ARIH1: variants seen among roughly 807,000 people sequenced by gnomAD.
ARIH1 encodes ariadne RBR E3 ubiquitin protein ligase 1.
In ARIH1, 8 loss-of-function variants were observed where a neutral mutation model predicts 85.0. The ratio of observed to expected loss-of-function variants is 0.09; its 90% CI spans 0.06 to 0.17. ARIH1 has a LOEUF of 0.17. Among genes scored for constraint, ARIH1 ranks in the 10% least tolerant of loss-of-function variants. The pLI, the probability that ARIH1 is intolerant of heterozygous loss-of-function variation, is 1.00. For synonymous variants in ARIH1, 238 were observed against 253.6 expected, an observed-to-expected ratio of 0.94 and a Z score of 0.59; for missense variants, 311 against 718.1, an observed-to-expected ratio of 0.43 and a Z score of 6.48.
chr15:72,535,141 C>T (rs1442385667), intron 2 of ARIH1, among the ~76,000 whole-genome samples: 6 of 150,362 alleles, frequency 4.0e-5, no homozygotes, highest in Non-Finnish European at 7.4e-5. Context: ...TTAGTAGAGA[C>T]GGGGTTTCAC....
chr15:72,538,902 T>G (rs2064094665), intron 2 of ARIH1, among the ~76,000 whole-genome samples: 1 of 152,202 alleles, frequency 6.6e-6, no homozygotes, highest in Non-Finnish European at 1.5e-5. Flanking sequence ...AAAATCTTAA[T>G]GTAGAGAAAT....
At chr15:72,522,199 T>A (rs535309701) in intron 2 of ARIH1, among the ~76,000 whole-genome samples, 1 of 152,256 alleles carries the variant, frequency 6.6e-6, no homozygotes, top group East Asian at 1.9e-4. Context: ...CTTAAGGGTT[T>A]TTATTAGAAA....
At chr15:72,511,679 A>AT (rs1325012723) in intron 1 of ARIH1, among the ~76,000 whole-genome samples, 2 of 152,042 alleles carry the variant, frequency 1.3e-5, no homozygotes, top group Admixed American at 6.6e-5. Flanking sequence ...GATTAATGGG[A>AT]TTTTCTGCAT....
At chr15:72,493,047 G>A (rs1340275269) in intron 1 of ARIH1, among the ~76,000 whole-genome samples, 1 of 152,098 alleles carries the variant, frequency 6.6e-6, no homozygotes, top group Non-Finnish European at 1.5e-5. Flanking sequence ...AAGTGGTCCT[G>A]TAGACTATTC....
intron 3 of ARIH1, among the ~76,000 whole-genome samples, chr15:72,551,747 T>C (rs1259825574): frequency 3.3e-5 from 5 of 152,176 alleles, no homozygotes; most frequent in Admixed American, 1.3e-4. Context: ...CCCCTACTTA[T>C]AAATGGCCAA....
intron 1 of ARIH1, chr15:72,475,234 C>A: frequency 9.4e-7 from 1 of 1,065,292 alleles, no homozygotes; most frequent in Non-Finnish European, 1.2e-6. Context: ...CGGTGCTTCC[C>A]AAGTCCTGCT....
rs191444762 is a variant in ARIH1 at position 72,515,896 on chromosome 15, G to T, written c.376-2171G>T. On this transcript the variant is annotated intron_variant, in intron 1 of 13. Coordinates refer to ENST00000379887, the MANE Select transcript of ARIH1 (RefSeq NM_005744.5). Reference sequence around the variant, plus strand: ...TTTCACCTATATTCTTCAGCTCCCAGGGGCCTTCTTTATTCCCCTAGCCAG... The same window carrying T: ...TTTCACCTATATTCTTCAGCTCCCATGGGCCTTCTTTATTCCCCTAGCCAG... 2.6e-5 allele frequency among the ~76,000 whole-genome samples: 4 copies of T among 152,226 alleles called. No homozygotes were observed. The East Asian group carries it at 7.7e-4, about 29-fold the overall frequency.
rs189511226 is a variant in ARIH1, at chr15:72,592,308, C to A, written c.*9016C>A. On this transcript the variant is annotated 3_prime_UTR_variant, in exon 14 of 14. Transcript: ENST00000379887. ...TAAATTCCATAATCAAGGGCCTGGC[C>A]CTGAATAGATTGGAGCCCAAAAATC... 12 of 152,184 alleles carry A rather than the reference C, an allele frequency of 7.9e-5. No individual in the cohort carries two copies. The highest frequency in any genetic ancestry group is 7.9e-4 in the Admixed American group (12 of 15,284). 9.4% of individuals were successfully genotyped at this position (152,184 alleles called of 1,614,324 possible). A position where few individuals can be genotyped will look rare whatever the true frequency, so the allele number is the denominator to read the frequency against.
At chr15:72,493,279 G>T (rs1595851461) in intron 1 of ARIH1, among the ~76,000 whole-genome samples, 1 of 152,174 alleles carries the variant, frequency 6.6e-6, no homozygotes, top group East Asian at 1.9e-4. Context: ...TGGGGGGGGA[G>T]GTCAGAACCC....
intron 12 of ARIH1, 51 bp downstream of exon 12, chr15:72,581,042 C>T: frequency 6.4e-7 from 1 of 1,552,828 alleles, no homozygotes; most frequent in Non-Finnish European, 8.8e-7. Flanking sequence ...CATAGGTCTA[C>T]CTGATCTTTC....
chr15:72,531,495 T>C (rs140961216), intron 2 of ARIH1, among the ~76,000 whole-genome samples: 4 of 152,268 alleles, frequency 2.6e-5, no homozygotes, highest in African/African-American at 9.6e-5. Context: ...CTCGAACTCC[T>C]GACCTCAGGT....
At chr15:72,529,059 G>A (rs779931356) in intron 2 of ARIH1, among the ~76,000 whole-genome samples, 1 of 152,084 alleles carries the variant, frequency 6.6e-6, no homozygotes, top group Non-Finnish European at 1.5e-5. Context: ...AATTAGCCGC[G>A]TGTGGTGATG....
intron 2 of ARIH1, among the ~76,000 whole-genome samples, chr15:72,537,531 A>T (rs768562369): frequency 6.6e-6 from 1 of 152,184 alleles, no homozygotes; most frequent in African/African-American, 2.4e-5. Flanking sequence ...GTTTTAAGAC[A>T]GTCATCTTCA....
At chr15:72,499,966 G>A (rs2063895929) in intron 1 of ARIH1, among the ~76,000 whole-genome samples, 1 of 152,162 alleles carries the variant, frequency 6.6e-6, no homozygotes, top group South Asian at 2.1e-4. Context: ...CTGATAATGT[G>A]CTTAATTTTC....
intron 9 of ARIH1, among the ~76,000 whole-genome samples, chr15:72,568,255 TA>T (rs556259487): frequency 1.3e-5 from 2 of 151,862 alleles, no homozygotes; most frequent in African/African-American, 4.8e-5. Context: ...GTTTTGTTAT[TA>T]AAAAAAAATT....
intron 1 of ARIH1, among the ~76,000 whole-genome samples, chr15:72,506,351 C>CCAAAAAAAAAAA (rs2063924871): frequency 1.4e-5 from 1 of 73,064 alleles, no homozygotes; most frequent in African/African-American, 5.2e-5. Context: ...CTCCGTCTCA[C>CCAAAAAAAAAAA]AAAAAAAAAA....
rs1051413189 is a variant in ARIH1, at chr15:72,585,758, C to G, written c.*2466C>G. 1 of 152,162 alleles carries G rather than the reference C, an allele frequency of 6.6e-6. No individual in the cohort carries two copies. Among genetic ancestry groups the G allele is most frequent in the African/African-American group, 2.4e-5 (1 of 41,428 alleles). The allele number at this position is 152,162 out of a possible 1,614,324, so 9.4% of individuals were successfully genotyped here. A position where few individuals can be genotyped will look rare whatever the true frequency, so the allele number is the denominator to read the frequency against. On this transcript the variant is annotated 3_prime_UTR_variant, in exon 14 of 14. Transcript: ENST00000379887. ...CCCTAATTTGTATGATCAAGATGAA[C>G]TGGCCCTTTTCTACTTCCAAGCTTT...
rs796525484 is a variant in ARIH1, at chr15:72,584,743, A to G, written c.*1451A>G. The stretch of plus-strand genomic sequence containing the variant: ...ATAATGCATTTTAGCTGTGATGTCC[A>G]TTTTTATGAAATTCCTACTAAGAGC... On this transcript the variant is annotated 3_prime_UTR_variant, in exon 14 of 14. Coordinates refer to ENST00000379887, the MANE Select transcript of ARIH1 (RefSeq NM_005744.5). The G allele has an allele frequency of 1.3e-5, 2 of 151,948 alleles. No homozygotes were observed. The highest frequency in any genetic ancestry group is 4.8e-5 in the African/African-American group (2 of 41,324). The allele number at this position is 151,948 out of a possible 1,614,324, so 9.4% of individuals were successfully genotyped here. A position where few individuals can be genotyped will look rare whatever the true frequency, so the allele number is the denominator to read the frequency against.
chr15:72,533,194 TC>T (rs1284591990), intron 2 of ARIH1, among the ~76,000 whole-genome samples: 5 of 152,150 alleles, frequency 3.3e-5, no homozygotes, highest in Non-Finnish European at 7.4e-5. Context: ...AGTGGTGAGA[TC>T]ATGGCTCACT....
Sources: gnomAD v4.1 joint callset for allele counts (sites outside exome capture counted in the v4.1 genomes callset) on GRCh38, gnomAD v4.1.1 for gene constraint, MANE v1.5 for transcripts, NCBI Gene and HGNC (gene_info 2026-07-23, HGNC 2026-07-21) for gene names.